TUSC3: variants seen among roughly 807,000 people sequenced by gnomAD.
TUSC3 encodes dolichyl-diphosphooligosaccharide--protein glycosyltransferase subunit TUSC3.
A neutral mutation model predicts 44.8 loss-of-function variants in TUSC3; 45 were observed. The ratio of observed to expected loss-of-function variants is 1.00; its 90% CI spans 0.79 to 1.29. TUSC3 has a LOEUF of 1.29. Among genes scored for constraint, TUSC3 ranks in the 50% most tolerant of loss-of-function variants. The pLI is 0.00. For synonymous variants in TUSC3, 212 were observed against 152.9 expected (o/e 1.39, Z -2.85); for missense variants, 519 against 437.9 (o/e 1.19, Z -1.65).
intron 2 of TUSC3, among the ~76,000 whole-genome samples, chr8:15,506,004 C>T (rs754375483): frequency 6.6e-6 from 1 of 152,194 alleles, no homozygotes; most frequent in African/African-American, 2.4e-5. Flanking sequence ...TCCCTGTTCA[C>T]AGCACCCTGG....
chr8:15,465,606 A>T (rs895487501), intron 1 of TUSC3, among the ~76,000 whole-genome samples: 4 of 152,220 alleles, frequency 2.6e-5, no homozygotes, highest in African/African-American at 9.6e-5. Flanking sequence ...TGCATTTACT[A>T]TTTCCCATAC....
At chr8:15,530,744 G>A (rs941807065) in intron 2 of TUSC3, among the ~76,000 whole-genome samples, 3 of 152,172 alleles carry the variant, frequency 2.0e-5, no homozygotes, top group African/African-American at 7.2e-5. Flanking sequence ...TATTAAGTGT[G>A]TATCTATTCT....
chr8:15,559,308 C>T (rs981485872), intron 1 of TUSC3, among the ~76,000 whole-genome samples: 1 of 144,136 alleles, frequency 6.9e-6, no homozygotes, highest in African/African-American at 2.5e-5. Flanking sequence ...TGTAGTTGAG[C>T]AGTTTTGAGT....
At chr8:15,662,691 T>C (rs1807477799) in intron 5 of TUSC3, among the ~76,000 whole-genome samples, 1 of 151,978 alleles carries the variant, frequency 6.6e-6, no homozygotes, top group African/African-American at 2.4e-5. Context: ...ATGTGACTGA[T>C]ATATGTTAGA....
intron 2 of TUSC3, among the ~76,000 whole-genome samples, chr8:15,639,817 G>A (rs1806280732): frequency 7.4e-6 from 1 of 134,594 alleles, no homozygotes; most frequent in African/African-American, 2.7e-5. Context: ...GGATGACTTA[G>A]TACAGTCAGT....
intron 1 of TUSC3, among the ~76,000 whole-genome samples, chr8:15,464,297 A>C (rs1050528041): frequency 1.3e-5 from 2 of 152,174 alleles, no homozygotes; most frequent in Non-Finnish European, 2.9e-5. Context: ...ACAAGGATGA[A>C]TCCAAGCCCT....
chr8:15,489,642 T>C (rs1489331959), intron 2 of TUSC3, among the ~76,000 whole-genome samples: 1 of 152,196 alleles, frequency 6.6e-6, no homozygotes, highest in Non-Finnish European at 1.5e-5. Context: ...TACAGTTACA[T>C]TGGAATTTGG....
the TUSC3 span, among the ~76,000 whole-genome samples, chr8:15,779,537 C>G: frequency 2.0e-5 from 3 of 152,076 alleles, no homozygotes; most frequent in Non-Finnish European, 4.4e-5. Flanking sequence ...ATTAAGACAA[C>G]ATAATTTAAA....
intron 2 of TUSC3, among the ~76,000 whole-genome samples, chr8:15,641,809 C>T (rs1806385854): frequency 6.6e-6 from 1 of 152,246 alleles, no homozygotes; most frequent in Non-Finnish European, 1.5e-5. Flanking sequence ...TGTAGTGTTA[C>T]ATTGTTTGGA....
In TUSC3 at chr8:15,608,288, T is replaced by A. The variant is rs1185542826; in HGVS notation, c.139-14792T>A. On this transcript the variant is annotated intron_variant, in intron 1 of 10. Transcript: ENST00000503731. ...TTTTCCATGAGTGTTTAATGTGTAC[T>A]GAATTCCTTAGTTTTTTTTTGCTTG... Among the ~76,000 whole-genome samples, 2 of 152,162 alleles carry A rather than the reference T, an allele frequency of 1.3e-5. 1 individual carries two copies. Among genetic ancestry groups the A allele is most frequent in the East Asian group, 3.9e-4 (2 of 5,186 alleles).
chr8:15,636,201 T>A (rs1169623254), intron 2 of TUSC3, among the ~76,000 whole-genome samples: 1 of 152,044 alleles, frequency 6.6e-6, no homozygotes, highest in African/African-American at 2.4e-5. Flanking sequence ...TTAAGCACAA[T>A]CGGATTTCAA....
chr8:15,447,948 C>G (rs895532688), intron 1 of TUSC3, among the ~76,000 whole-genome samples: 1 of 151,012 alleles, frequency 6.6e-6, no homozygotes, highest in African/African-American at 2.4e-5. Flanking sequence ...TGGGTATGTA[C>G]ATTACAGTTA....
chr8:15,566,611 TG>T (rs200890586), intron 1 of TUSC3, among the ~76,000 whole-genome samples: 29,999 of 151,058 alleles, frequency 0.2, 2,982 homozygotes, highest in Middle Eastern at 0.26. Context: ...ATTTTTTTGT[TG>T]TTGTTGTTGT....
At chr8:15,425,511 G>C (rs1799792663) in intron 1 of TUSC3, among the ~76,000 whole-genome samples, 1 of 152,164 alleles carries the variant, frequency 6.6e-6, no homozygotes, top group South Asian at 2.1e-4. Context: ...AAGAGAGATG[G>C]TTTTTCAAGT....
chr8:15,479,142 C>G (rs73534267), intron 1 of TUSC3, among the ~76,000 whole-genome samples: 4,159 of 151,954 alleles, frequency 0.027, 190 homozygotes, highest in African/African-American at 0.094. Flanking sequence ...TGATTTTTTT[C>G]TTGTATATTT....
intron 6 of TUSC3, 45 bp downstream of exon 6, chr8:15,673,881 C>T (rs1321333626): frequency 6.7e-7 from 1 of 1,485,362 alleles, no homozygotes; most frequent in Admixed American, 1.7e-5. Context: ...TTTAATCCAG[C>T]TTAATTTAGG....
At chr8:15,632,066 C>G (rs1487338484) in intron 2 of TUSC3, among the ~76,000 whole-genome samples, 4 of 152,094 alleles carry the variant, frequency 2.6e-5, no homozygotes, top group African/African-American at 9.7e-5. Context: ...AATATTAGTT[C>G]AGTGATATAA....
At chr8:15,752,317 G>T (rs935120910) in intron 9 of TUSC3, among the ~76,000 whole-genome samples, 1 of 152,084 alleles carries the variant, frequency 6.6e-6, no homozygotes, top group Non-Finnish European at 1.5e-5. Context: ...AGGATTATGA[G>T]TATACTGCTA....
At chr8:15,840,566 A>G in the TUSC3 span, among the ~76,000 whole-genome samples, 5 of 152,164 alleles carry the variant, frequency 3.3e-5, no homozygotes, top group Admixed American at 6.5e-5. Flanking sequence ...CTATTAGGGC[A>G]TGGAAGAGAA....
Sources: allele counts gnomAD v4.1 joint callset (sites outside exome capture counted in the v4.1 genomes callset), GRCh38; gene constraint gnomAD v4.1.1; transcripts MANE v1.5; gene names NCBI Gene and HGNC (gene_info 2026-07-23, HGNC 2026-07-21).